The following ZNF253 variants were observed in gnomAD, a reference collection of about 807,000 sequenced individuals.
ZNF253 encodes zinc finger protein 253.
ZNF253 carries 8 observed loss-of-function variants against 11.9 expected under a neutral mutation model. The ratio of observed to expected loss-of-function variants is 0.67; its 90% CI spans 0.40 to 1.22. ZNF253 has a LOEUF of 1.22. Ranked by LOEUF, ZNF253 falls within the 50% of genes most tolerant of loss-of-function variation. The probability of loss-of-function intolerance (pLI) is 0.01; values close to 1 mark genes in which losing one functional copy is unlikely to be tolerated. For missense variants in ZNF253, 485 were observed against 586.9 expected, an observed-to-expected ratio of 0.83 and a Z score of 1.79; for synonymous variants, 194 against 194.9, an observed-to-expected ratio of 1.00 and a Z score of 0.04.
At chr19:19,891,310 C>G (rs1350943860) in intron 3 of ZNF253, among the ~76,000 whole-genome samples, 164 bp from the exon 4 acceptor site, 1 of 152,132 alleles carries the variant, frequency 6.6e-6, no homozygotes, top group Admixed American at 6.5e-5. Context: ...ATTTTTGTCA[C>G]TATGTTTTTG....
intron 3 of ZNF253, among the ~76,000 whole-genome samples, chr19:19,885,272 T>C (rs2063196679): frequency 1.8e-5 from 1 of 55,626 alleles, no homozygotes; most frequent in African/African-American, 2.7e-4. Context: ...TCTTTCTTTC[T>C]TTCTTTCTTT....
At chr19:19,866,750 G>A (rs927962747) in intron 1 of ZNF253, among the ~76,000 whole-genome samples, 2 of 152,004 alleles carry the variant, frequency 1.3e-5, no homozygotes, top group South Asian at 2.1e-4. Context: ...CGCCCGCCTC[G>A]GCCTCCCAGT....
chr19:19,873,837 C>G (rs1216054553), intron 1 of ZNF253, among the ~76,000 whole-genome samples: 1 of 152,008 alleles, frequency 6.6e-6, no homozygotes, highest in Non-Finnish European at 1.5e-5. Flanking sequence ...TTATTTAGAC[C>G]ACTTTCTTTA....
intron 1 of ZNF253, among the ~76,000 whole-genome samples, chr19:19,867,669 A>AT (rs772465794): frequency 2.2e-4 from 33 of 152,326 alleles, no homozygotes; most frequent in Middle Eastern, 6.8e-3. Context: ...GCATCTGACC[A>AT]TACCGTGTTT....
intron 3 of ZNF253, among the ~76,000 whole-genome samples, chr19:19,885,311 TTTCTTTCTTTC>T (rs1186409110): frequency 3.7e-5 from 2 of 54,700 alleles, no homozygotes; most frequent in Non-Finnish European, 5.7e-5. Context: ...TCTTTCTTTC[TTTCTTTCTTTC>T]TTTCTTTCTT....
At chr19:19,867,831 C>T (rs1211842860) in intron 1 of ZNF253, among the ~76,000 whole-genome samples, 1 of 152,070 alleles carries the variant, frequency 6.6e-6, no homozygotes, top group Non-Finnish European at 1.5e-5. Flanking sequence ...TATAAGCATT[C>T]CCTTTTCTCT....
rs938518928 is a variant in ZNF253, at chr19:19,890,543, A to T, written c.227-931A>T. On this transcript the variant is annotated intron_variant, in intron 3 of 3. Transcript: ENST00000589717. ...GTGTGTGTGTGTGTGTGTGTGTGTG[A>T]CAGAGTCTCACTCTCTTACCTAGGC... Among the ~76,000 whole-genome samples the T allele has an allele frequency of 1.1e-4, 13 of 122,074 alleles. No individual in the cohort carries two copies. In the South Asian group the frequency reaches 1.2e-3, roughly 11 times the overall value. 80.1% of individuals were successfully genotyped at this position (122,074 alleles called of 152,430 possible).
chr19:19,878,064 C>T (rs182081386), intron 1 of ZNF253, among the ~76,000 whole-genome samples: 316 of 144,010 alleles, frequency 2.2e-3, no homozygotes, highest in Non-Finnish European at 2.6e-3. Flanking sequence ...TATGCCAGAT[C>T]TTCCGGAATA....
intron 1 of ZNF253, among the ~76,000 whole-genome samples, chr19:19,873,822 G>A (rs2063143973): frequency 6.6e-6 from 1 of 152,012 alleles, no homozygotes; most frequent in Non-Finnish European, 1.5e-5. Flanking sequence ...CCAAAATCTT[G>A]GGCTTTATTT....
Position 19,892,463 on chromosome 19 carries a change from A to C in ZNF253, c.1216A>C (p.Thr406Pro), listed in dbSNP as rs750854307. The C allele has an allele frequency of 6.2e-7, 1 of 1,613,932 alleles. No individual in the cohort carries two copies. The highest frequency in any genetic ancestry group is 1.1e-5 in the South Asian group (1 of 91,082). ...YKCDECGKTFTWPSILSKHKR... is the reference protein window; with the variant it reads ...YKCDECGKTFPWPSILSKHKR... ...ATGTGATGAATGTGGCAAAACCTTT[A>C]CCTGGCCCTCAATCCTCTCCAAACA... The change falls in exon 4 of 4, where the codon ACC becomes CCC. Residue 406 changes from threonine (T) to proline (P), a missense_variant. Around this residue, in one of 3 missense-constraint regions of ZNF253, gnomAD observed 232 missense variants for 321.4 expected, o/e 0.72. Transcript: ENST00000589717.
chr19:19,870,317 G>A (rs1232511962), intron 1 of ZNF253, among the ~76,000 whole-genome samples: 1 of 151,362 alleles, frequency 6.6e-6, no homozygotes, highest in Non-Finnish European at 1.5e-5. Context: ...GCTTGTTCCT[G>A]GGAGGCAGAA....
rs2063197729 is a variant in ZNF253 at position 19,885,283 on chromosome 19, CTTTCTT to C, written c.226+5139_226+5144del. ...TCTTTCTTTCTTTCTTTCTTTCTTT[CTTTCTT>C]TCTCTTTCTTTTCTTTCTTTCTTTC... On this transcript the variant is annotated intron_variant, in intron 3 of 3. Transcript: ENST00000589717. 2.9e-4 allele frequency among the ~76,000 whole-genome samples: 10 copies of C among 34,690 alleles called. 1 individual carries two copies. The highest frequency in any genetic ancestry group is 5.7e-4 in the African/African-American group (2 of 3,494). 22.8% of individuals were successfully genotyped at this position (34,690 alleles called of 152,430 possible).
intron 1 of ZNF253, among the ~76,000 whole-genome samples, chr19:19,866,981 AAGTT>A (rs1568492873): frequency 6.6e-6 from 1 of 152,304 alleles, no homozygotes; most frequent in Non-Finnish European, 1.5e-5. Context: ...AGGAACAAGA[AAGTT>A]AGGCCCTTGA....
chr19:19,876,840 G>A (rs1402289417), intron 1 of ZNF253, among the ~76,000 whole-genome samples: 2 of 151,814 alleles, frequency 1.3e-5, no homozygotes, highest in Non-Finnish European at 2.9e-5. Flanking sequence ...TTTGGTTTAA[G>A]TACTTCTTAA....
At chr19:19,873,067 C>T (rs573088331) in intron 1 of ZNF253, among the ~76,000 whole-genome samples, 1 of 152,186 alleles carries the variant, frequency 6.6e-6, no homozygotes, top group South Asian at 2.1e-4. Context: ...TCCTACAGCC[C>T]CCATTTGGGA....
At chr19:19,888,214 C>A (rs1373901642) in intron 3 of ZNF253, among the ~76,000 whole-genome samples, 1 of 152,034 alleles carries the variant, frequency 6.6e-6, no homozygotes, top group Non-Finnish European at 1.5e-5. Flanking sequence ...TAGGCACCCA[C>A]CACCATGCTG....
chr19:19,881,909 C>T (rs2063179531), intron 3 of ZNF253, among the ~76,000 whole-genome samples: 1 of 151,954 alleles, frequency 6.6e-6, no homozygotes, highest in Non-Finnish European at 1.5e-5. Context: ...GAAGCATCGG[C>T]TGGGCTCCCT....
Position 19,892,116 on chromosome 19 carries a change from G to A in ZNF253, c.869G>A (p.Gly290Asp). 1.2e-6 allele frequency: 2 copies of A among 1,614,008 alleles called. No individual in the cohort carries two copies. Among genetic ancestry groups the A allele is most frequent in the Middle Eastern group, 1.6e-4 (1 of 6,062 alleles). Residue 290 changes from glycine (G) to aspartate (D), a missense_variant, in exon 4 of 4, where the codon GGC becomes GAC. Gly to Asp is a moderately conservative substitution (Grantham distance 94). This residue lies in a region of ZNF253 where 232 missense variants were observed against 321.4 expected (regional missense o/e 0.72). Transcript: ENST00000589717. ...AAACCCTACAAATGTGAAGAATGTG[G>A]CAAAGCCTTTAAGCACCCCTCACAC... ...GEKPYKCEEC[G>D]KAFKHPSHVT...
At chr19:19,880,909 T>G in intron 3 of ZNF253, among the ~76,000 whole-genome samples, 2 of 152,330 alleles carry the variant, frequency 1.3e-5, no homozygotes, top group Middle Eastern at 6.8e-3. Context: ...CATTCTGTTT[T>G]TATTTCTATA....
Sources: gnomAD v4.1 joint callset for allele counts (sites outside exome capture counted in the v4.1 genomes callset) on GRCh38, gnomAD v4.1.1 for gene constraint, gnomAD v4.1.1 regional missense constraint, MANE v1.5 for transcripts, NCBI Gene and HGNC (gene_info 2026-07-23, HGNC 2026-07-21) for gene names.